UBASH3B: variants seen among roughly 807,000 people sequenced by gnomAD.
UBASH3B encodes ubiquitin-associated and SH3 domain-containing protein B.
In UBASH3B, 37 loss-of-function variants were observed where a neutral mutation model predicts 83.4. The observed-to-expected ratio is 0.44, with a 90% CI of 0.34 to 0.58. UBASH3B has a LOEUF of 0.58. UBASH3B is among the 20% of genes least tolerant of loss of function. The pLI, the probability that UBASH3B is intolerant of heterozygous loss-of-function variation, is 0.01. For synonymous variants in UBASH3B, 304 were observed against 318.3 expected (o/e 0.96, Z 0.48); for missense variants, 657 against 827.2 (o/e 0.79, Z 2.52).
At chr11:122,710,246 A>C (rs986690203) in intron 1 of UBASH3B, among the ~76,000 whole-genome samples, 9 of 152,144 alleles carry the variant, frequency 5.9e-5, no homozygotes. Context: ...AGAGCAGAAG[A>C]AAGATAAGGC....
At chr11:122,717,206 C>G (rs1860539728) in intron 1 of UBASH3B, among the ~76,000 whole-genome samples, 1 of 152,092 alleles carries the variant, frequency 6.6e-6, no homozygotes. Flanking sequence ...AAAGCAAGGC[C>G]CAGAGACATG....
At chr11:122,729,793 TACAAAA>T (rs1860807174) in intron 1 of UBASH3B, among the ~76,000 whole-genome samples, 1 of 30,116 alleles carries the variant, frequency 3.3e-5, no homozygotes, top group African/African-American at 2.7e-4. Flanking sequence ...ACCCTATCTC[TACAAAA>T]AAAAAAAAAA....
intron 1 of UBASH3B, among the ~76,000 whole-genome samples, chr11:122,741,124 A>C (rs931085756): frequency 6.6e-6 from 1 of 152,210 alleles, no homozygotes; most frequent in African/African-American, 2.4e-5. Flanking sequence ...TATTTTTTAT[A>C]TAAAAATTGA....
chr11:122,707,726 T>C (rs1271087161), intron 1 of UBASH3B, among the ~76,000 whole-genome samples: 2 of 152,054 alleles, frequency 1.3e-5, no homozygotes, highest in Non-Finnish European at 2.9e-5. Context: ...TGAGATGGAG[T>C]CTCGCTCTGT....
chr11:122,726,741 A>G (rs1860749605), intron 1 of UBASH3B, among the ~76,000 whole-genome samples: 1 of 152,216 alleles, frequency 6.6e-6, no homozygotes, highest in Non-Finnish European at 1.5e-5. Flanking sequence ...GAAAAATCAA[A>G]GTCATATTTG....
chr11:122,798,697 G>A (rs1280704356), intron 9 of UBASH3B, among the ~76,000 whole-genome samples: 6 of 139,444 alleles, frequency 4.3e-5, no homozygotes, highest in African/African-American at 8.3e-5. Context: ...GCGACAGAGC[G>A]AGACTCCATC....
At chr11:122,725,223 G>A (rs1860712797) in intron 1 of UBASH3B, among the ~76,000 whole-genome samples, 1 of 150,764 alleles carries the variant, frequency 6.6e-6, no homozygotes, top group Admixed American at 6.7e-5. Flanking sequence ...ATCCACCTCG[G>A]CCTCCCAAAG....
At chr11:122,761,598 C>T (rs1345240704) in intron 1 of UBASH3B, among the ~76,000 whole-genome samples, 1 of 152,058 alleles carries the variant, frequency 6.6e-6, no homozygotes, top group Admixed American at 6.5e-5. Flanking sequence ...CCAGAGTCTC[C>T]TATGTAGCTT....
chr11:122,721,794 C>G lies in UBASH3B; in HGVS notation c.162-54425C>G, dbSNP rs1013860069. On this transcript the variant is annotated intron_variant, in intron 1 of 13. Transcript: ENST00000284273. ...AGGTCTCCTAACATAACTTCTTAGG[C>G]TTAGTAGCTCATTGGCAAATCCGTT... Among the ~76,000 whole-genome samples, 4 of 152,162 alleles carry G rather than the reference C, an allele frequency of 2.6e-5. No homozygotes were observed. The East Asian group carries it at 7.7e-4, about 29-fold the overall frequency.
chr11:122,680,284 A>G (rs1011743166), intron 1 of UBASH3B, among the ~76,000 whole-genome samples: 1 of 152,136 alleles, frequency 6.6e-6, no homozygotes, highest in Admixed American at 6.6e-5. Flanking sequence ...CTCCTGAACT[A>G]TATGCTTCAG....
chr11:122,772,375 G>C (rs973496306), intron 1 of UBASH3B, among the ~76,000 whole-genome samples: 1 of 152,126 alleles, frequency 6.6e-6, no homozygotes, highest in Non-Finnish European at 1.5e-5. Context: ...ATAATTCAGG[G>C]GTTTTGTTTT....
chr11:122,703,473 C>G (rs1420837908), intron 1 of UBASH3B, among the ~76,000 whole-genome samples: 1 of 151,822 alleles, frequency 6.6e-6, no homozygotes, highest in Non-Finnish European at 1.5e-5. Context: ...TCCACCACCG[C>G]TTTTCAAAAT....
At chr11:122,733,881 C>T (rs943522638) in intron 1 of UBASH3B, among the ~76,000 whole-genome samples, 2 of 151,990 alleles carry the variant, frequency 1.3e-5, no homozygotes, top group Non-Finnish European at 2.9e-5. Context: ...AATGTCTCCT[C>T]TCTTTTTTTT....
chr11:122,799,993 A>G (rs1422764208), intron 10 of UBASH3B, among the ~76,000 whole-genome samples: 1 of 152,188 alleles, frequency 6.6e-6, no homozygotes, highest in Non-Finnish European at 1.5e-5. Flanking sequence ...ACCAGAAGGG[A>G]TTTATGTATT....
intron 1 of UBASH3B, among the ~76,000 whole-genome samples, chr11:122,725,442 G>A (rs79313286): frequency 0.044 from 6,727 of 151,880 alleles, 466 homozygotes; most frequent in African/African-American, 0.15. Context: ...AACCTTAACC[G>A]TGGTCAGGAG....
Position 122,790,206 on chromosome 11 carries a change from A to T in UBASH3B, c.980+898A>T, listed in dbSNP as rs1861027339. On this transcript the variant is annotated intron_variant, in intron 6 of 13. Transcript: ENST00000284273. ...CATAAAGGAGAAGCAGAGAGAGATGATTTCATCAAGTCTTTTGCCTGGAAG... is the reference window on the plus strand; with the variant it reads ...CATAAAGGAGAAGCAGAGAGAGATGTTTTCATCAAGTCTTTTGCCTGGAAG... Among the ~76,000 whole-genome samples, 12 of 152,266 alleles carry T rather than the reference A, an allele frequency of 7.9e-5. 1 individual carries two copies. The South Asian group carries it at 2.5e-3, about 32-fold the overall frequency.
At chr11:122,723,619 G>A (rs1860679762) in intron 1 of UBASH3B, among the ~76,000 whole-genome samples, 1 of 152,198 alleles carries the variant, frequency 6.6e-6, no homozygotes, top group African/African-American at 2.4e-5. Flanking sequence ...CAGTTATCTG[G>A]GCCCATCAGA....
rs12221548 is a variant in UBASH3B at position 122,688,985 on chromosome 11, G to A, written c.161+32775G>A. Among the ~76,000 whole-genome samples, 551 of 150,182 alleles carry A rather than the reference G, an allele frequency of 3.7e-3. 5 individuals carry two copies. The highest frequency in any genetic ancestry group is 8.3e-3 in the African/African-American group (335 of 40,238). On this transcript the variant is annotated intron_variant, in intron 1 of 13. Transcript: ENST00000284273. ...CTAGAGACGGCGGGGAGGCGGGGGG[G>A]GGGGGGGTTCCACCATATTGGCCAG...
At chr11:122,775,139 G>A (rs1457988675) in intron 1 of UBASH3B, among the ~76,000 whole-genome samples, 4 of 152,216 alleles carry the variant, frequency 2.6e-5, no homozygotes, top group Non-Finnish European at 4.4e-5. Flanking sequence ...GCACAGTGCT[G>A]ACAAAATAGT....
Sources: gnomAD v4.1 joint callset for allele counts (sites outside exome capture counted in the v4.1 genomes callset) on GRCh38, gnomAD v4.1.1 for gene constraint, MANE v1.5 for transcripts, NCBI Gene and HGNC (gene_info 2026-07-23, HGNC 2026-07-21) for gene names.